The following GUCY1A2 variants were observed in gnomAD, a reference collection of about 807,000 sequenced individuals.
GUCY1A2 encodes the protein guanylate cyclase 1 soluble subunit alpha 2, also known as guanylate cyclase soluble subunit alpha-2.
A neutral mutation model predicts 63.5 loss-of-function variants in GUCY1A2; 27 were observed. The ratio of observed to expected loss-of-function variants is 0.43; its 90% CI spans 0.31 to 0.59. GUCY1A2 has a LOEUF of 0.59. GUCY1A2 is among the 20% of genes least tolerant of loss of function. The pLI is 0.11. For missense variants in GUCY1A2, 768 were observed against 913.3 expected, an observed-to-expected ratio of 0.84 and a Z score of 2.05; for synonymous variants, 364 against 343.5, an observed-to-expected ratio of 1.06 and a Z score of -0.66.
chr11:106,808,270 GTATA>G (rs1215493242), intron 5 of GUCY1A2, among the ~76,000 whole-genome samples: 1 of 150,796 alleles, frequency 6.6e-6, no homozygotes, highest in Admixed American at 6.6e-5. Flanking sequence ...ATGTGTGTGT[GTATA>G]TATATATATT....
chr11:106,841,310 G>T (rs1160018545), intron 4 of GUCY1A2, among the ~76,000 whole-genome samples: 1 of 151,674 alleles, frequency 6.6e-6, no homozygotes, highest in Non-Finnish European at 1.5e-5. Context: ...AATATGTTAG[G>T]TGTATTTGAT....
intron 4 of GUCY1A2, among the ~76,000 whole-genome samples, chr11:106,906,969 A>ATT (rs2119847935): frequency 6.6e-6 from 1 of 152,236 alleles, no homozygotes; most frequent in South Asian, 2.1e-4. Context: ...TAGCATTAGG[A>ATT]GAAATACTTA....
At chr11:106,856,196 A>C (rs2135454017) in intron 4 of GUCY1A2, among the ~76,000 whole-genome samples, 1 of 151,814 alleles carries the variant, frequency 6.6e-6, no homozygotes, top group South Asian at 2.1e-4. Context: ...AGCCTGATGC[A>C]GGAAAATTGC....
intron 3 of GUCY1A2, among the ~76,000 whole-genome samples, chr11:106,946,136 A>G (rs1204522942): frequency 6.6e-6 from 1 of 152,196 alleles, no homozygotes; most frequent in Non-Finnish European, 1.5e-5. Context: ...AACCTATTCT[A>G]AAAGTTTCTT....
chr11:106,956,354 T>C (rs749132812), intron 3 of GUCY1A2, among the ~76,000 whole-genome samples: 21 of 152,096 alleles, frequency 1.4e-4, no homozygotes, highest in Middle Eastern at 3.2e-3. Flanking sequence ...TGAAGCACTC[T>C]GGCCTTTTGG....
rs545043186 is a variant in GUCY1A2 at position 106,904,174 on chromosome 11, A to G, written c.1206+35286T>C. Among the ~76,000 whole-genome samples the G allele has an allele frequency of 3.9e-5, 6 of 152,310 alleles. No individual in the cohort carries two copies. The East Asian group carries it at 9.6e-4, about 24-fold the overall frequency. ...AACAATATATAGATGTCTGATACCTATTCCTCACTTACCTCCACCTTTTCT... is the reference window on the plus strand; with the variant it reads ...AACAATATATAGATGTCTGATACCTGTTCCTCACTTACCTCCACCTTTTCT... On this transcript the variant is annotated intron_variant, in intron 4 of 7. Coordinates refer to ENST00000526355, the MANE Select transcript of GUCY1A2 (RefSeq NM_000855.3).
intron 4 of GUCY1A2, among the ~76,000 whole-genome samples, chr11:106,922,455 A>C (rs1467792372): frequency 6.6e-6 from 1 of 151,418 alleles, no homozygotes; most frequent in Non-Finnish European, 1.5e-5. Flanking sequence ...AGAAACAAAT[A>C]TATATGTATA....
chr11:106,821,793 A>G (rs1476668440), intron 4 of GUCY1A2, among the ~76,000 whole-genome samples: 2 of 152,200 alleles, frequency 1.3e-5, no homozygotes, highest in Non-Finnish European at 2.9e-5. Flanking sequence ...AGCCTTAAAA[A>G]AGACTAACAT....
Position 106,713,922 on chromosome 11 carries a change from G to A in GUCY1A2, c.1837-5256C>T, listed in dbSNP as rs74335601. Among the ~76,000 whole-genome samples, 518 of 151,674 alleles carry A rather than the reference G, an allele frequency of 3.4e-3. 3 individuals carry two copies. Among genetic ancestry groups the A allele is most frequent in the African/African-American group, 0.012 (504 of 41,346 alleles). ...CAAACTTTAGATGCTAAGACTGTCC[G>A]TTTGAGATTCTAATTACTACAGCGA... On this transcript the variant is annotated intron_variant, in intron 6 of 7. Transcript: ENST00000526355.
intron 1 of GUCY1A2, among the ~76,000 whole-genome samples, chr11:107,011,198 C>T (rs1415502502): frequency 1.3e-5 from 2 of 152,112 alleles, no homozygotes; most frequent in Admixed American, 6.5e-5. Flanking sequence ...ATTCTCCCGG[C>T]CTATGTGCCT....
At position 106,686,002 on chromosome 11, in the gene GUCY1A2, C is replaced by G. The variant is rs182881446; in HGVS notation, c.*1547G>C. On this transcript the variant is annotated 3_prime_UTR_variant, in exon 8 of 8. Transcript: ENST00000526355. ...TTCCTTAACTGAGTTATGTCATAACCAAATCATAATGCAGCCAAAATCCCT... is the reference window on the plus strand; with the variant it reads ...TTCCTTAACTGAGTTATGTCATAACGAAATCATAATGCAGCCAAAATCCCT... 1 of 218,592 alleles carries G rather than the reference C, an allele frequency of 4.6e-6. No homozygotes were observed. The highest frequency in any genetic ancestry group is 9.2e-6 in the Non-Finnish European group (1 of 108,816). 13.5% of individuals were successfully genotyped at this position (218,592 alleles called of 1,614,324 possible). A position where few individuals can be genotyped will look rare whatever the true frequency, so the allele number is the denominator to read the frequency against.
At chr11:106,827,095 T>C in intron 4 of GUCY1A2, 1 of 1,486,264 alleles carries the variant, frequency 6.7e-7, no homozygotes, top group South Asian at 1.1e-5. Flanking sequence ...ATCCTGAAGG[T>C]AGATTTTCTT....
At chr11:106,867,543 A>ATCC (rs1859611881) in intron 4 of GUCY1A2, among the ~76,000 whole-genome samples, 1 of 152,068 alleles carries the variant, frequency 6.6e-6, no homozygotes. Context: ...GTTTTAGTAC[A>ATCC]TCCTCATCCA....
chr11:106,928,974 TAAAC>T (rs553219998), intron 4 of GUCY1A2, among the ~76,000 whole-genome samples: 45 of 152,322 alleles, frequency 3.0e-4, no homozygotes, highest in African/African-American at 1.1e-3. Flanking sequence ...GAAATGCTGT[TAAAC>T]AGAATGAAGG....
chr11:106,745,248 G>A (rs1863766993), intron 6 of GUCY1A2, among the ~76,000 whole-genome samples: 1 of 152,074 alleles, frequency 6.6e-6, no homozygotes, highest in African/African-American at 2.4e-5. Flanking sequence ...ATTTAAAAGG[G>A]TCTTACTAAA....
chr11:106,751,958 T>C (rs966349348), intron 6 of GUCY1A2, among the ~76,000 whole-genome samples: 2 of 152,192 alleles, frequency 1.3e-5, no homozygotes, highest in African/African-American at 4.8e-5. Context: ...CACTATGATA[T>C]ACAAAGATGA....
At chr11:106,818,010 A>C (rs1858853110) in intron 4 of GUCY1A2, among the ~76,000 whole-genome samples, 1 of 152,132 alleles carries the variant, frequency 6.6e-6, no homozygotes. Context: ...TTAAAAAATG[A>C]AATCAAATGA....
chr11:106,852,145 T>C (rs1231858762), intron 4 of GUCY1A2, among the ~76,000 whole-genome samples: 1 of 151,992 alleles, frequency 6.6e-6, no homozygotes, highest in Non-Finnish European at 1.5e-5. Flanking sequence ...TTTCAGCTAG[T>C]TCATTATTGG....
rs761927208 is a variant in GUCY1A2 at position 107,018,080 on chromosome 11, G to A, written c.-25C>T. ...TGCTGCCGGCGGAGCTGCAGCGGCC[G>A]AGGCGGTGGCGGCGAGGACGCGAGC... On this transcript the variant is annotated 5_prime_UTR_variant, in exon 1 of 8. Transcript: ENST00000526355. 10 of 1,413,544 alleles carry A rather than the reference G, an allele frequency of 7.1e-6. No individual in the cohort carries two copies. The highest frequency in any genetic ancestry group is 2.3e-5 in the Admixed American group (1 of 42,852). 87.6% of individuals were successfully genotyped at this position (1,413,544 alleles called of 1,614,324 possible). A position where few individuals can be genotyped will look rare whatever the true frequency, so the allele number is the denominator to read the frequency against.
Sources: gnomAD v4.1 joint callset for allele counts (sites outside exome capture counted in the v4.1 genomes callset) on GRCh38, gnomAD v4.1.1 for gene constraint, MANE v1.5 for transcripts, NCBI Gene and HGNC (gene_info 2026-07-23, HGNC 2026-07-21) for gene names.